The following BRWD1 variants were observed in gnomAD, a reference collection of about 807,000 sequenced individuals.
The protein encoded by BRWD1 is bromodomain and WD repeat domain containing 1.
In BRWD1, 82 loss-of-function variants were observed where a neutral mutation model predicts 251.2. That is an observed-to-expected ratio of 0.33 (90% CI 0.27 to 0.39). The LOEUF is 0.39. BRWD1 is among the 10% of genes least tolerant of loss of function. The pLI is 1.00. For missense variants in BRWD1, 2,233 were observed against 2,711.6 expected (o/e 0.82, Z 3.92); for synonymous variants, 918 against 902.8 (o/e 1.02, Z -0.30).
chr21:39,303,571 G>A (rs2036189570), intron 4 of BRWD1, among the ~76,000 whole-genome samples: 1 of 150,288 alleles, frequency 6.7e-6, no homozygotes, highest in African/African-American at 2.5e-5. Flanking sequence ...GGAATAGTTA[G>A]GCCAGGCGAG....
At chr21:39,185,290 A>T (rs557811020), downstream of BRWD1, 1 of 114,638 alleles carries the variant, frequency 8.7e-6, no homozygotes, top group East Asian at 2.5e-4. Flanking sequence ...TTACACTGAA[A>T]TTGCTAAAAA....
intron 4 of BRWD1, 105 bp from the exon 5 acceptor site, chr21:39,298,687 G>GT (rs2036024333): frequency 3.4e-6 from 3 of 871,546 alleles, no homozygotes; most frequent in Non-Finnish European, 4.9e-6. Flanking sequence ...ACTGAAAACT[G>GT]TAAAACATGC....
intron 4 of BRWD1, among the ~76,000 whole-genome samples, chr21:39,305,274 A>G (rs1166649362): frequency 2.0e-5 from 3 of 152,114 alleles, no homozygotes; most frequent in Non-Finnish European, 4.4e-5. Context: ...TGGAGATTTT[A>G]ACAAATCTTT....
At chr21:39,312,556 C>T (rs2036524534) in intron 4 of BRWD1, 1 of 320,544 alleles carries the variant, frequency 3.1e-6, no homozygotes. Context: ...GCCACACCCC[C>T]GCAGAGGCGG....
intron 4 of BRWD1, among the ~76,000 whole-genome samples, chr21:39,299,741 G>T (rs1031200259): frequency 2.6e-5 from 4 of 151,836 alleles, no homozygotes; most frequent in Admixed American, 2.0e-4. Context: ...TTGGGAGGCC[G>T]AGGCAGGTGG....
chr21:39,207,187 TAC>T (rs2032434067), intron 36 of BRWD1, among the ~76,000 whole-genome samples: 1 of 151,726 alleles, frequency 6.6e-6, no homozygotes, highest in Non-Finnish European at 1.5e-5. Context: ...ATAATCCCAG[TAC>T]TTTGGGAGGC....
intron 2 of BRWD1, 46 bp from the exon 3 acceptor site, chr21:39,313,147 C>T: frequency 6.7e-7 from 1 of 1,493,650 alleles, no homozygotes; most frequent in Non-Finnish European, 8.9e-7. Context: ...GGGCCCGGGG[C>T]GCTCCCGTTT....
Position 39,313,530 on chromosome 21 carries a change from G to C in BRWD1, c.-39C>G, listed in dbSNP as rs2036593968. ...GCGGGAGGCGGGAGCGAGCGAGCGAGCGGAGCGTGTAGGCCGCGCCGAGGC... is the reference window on the plus strand; with the variant it reads ...GCGGGAGGCGGGAGCGAGCGAGCGACCGGAGCGTGTAGGCCGCGCCGAGGC... On this transcript the variant is annotated 5_prime_UTR_variant, in exon 1 of 41. Coordinates refer to ENST00000342449, the MANE Select transcript of BRWD1 (RefSeq NM_033656.4). 1 of 1,328,744 alleles carries C rather than the reference G, an allele frequency of 7.5e-7. No homozygotes were observed. The highest frequency in any genetic ancestry group is 9.6e-7 in the Non-Finnish European group (1 of 1,046,340). The allele number at this position is 1,328,744 out of a possible 1,614,324, so 82.3% of individuals were successfully genotyped here. A position where few individuals can be genotyped will look rare whatever the true frequency, so the allele number is the denominator to read the frequency against.
rs570853909 is a variant in BRWD1 at position 39,246,454 on chromosome 21, C to T, written c.2481+1247G>A. 6.2e-4 allele frequency among the ~76,000 whole-genome samples: 94 copies of T among 151,906 alleles called. No individual in the cohort carries two copies. The South Asian group carries it at 0.018, about 29-fold the overall frequency. On this transcript the variant is annotated intron_variant, in intron 21 of 40. Transcript: ENST00000342449. ...GCCAATCTGAAGGAGTCTGGAGGGT[C>T]CTCAAAAAGTTAAAACATAAAACTT...
rs536980877 is a variant in BRWD1 at position 39,196,449 on chromosome 21, T to C, written c.6620A>G (p.Gln2207Arg). Reference protein sequence around the residue: ...NISKTVRRQRQSKRPRLSVDD... With the variant: ...NISKTVRRQRRSKRPRLSVDD... ...CACACTTAACCTAGGGCGTTTGCTT[T>C]GTCTTTGACGTCTCACAGTTTTAGA... is the stretch of plus-strand genomic sequence containing the variant. The change falls in exon 41 of 41, where the codon CAA (glutamine) becomes CGA (arginine). Residue 2207 changes from glutamine to arginine, a missense_variant. Physicochemically the swap from Gln to Arg is conservative, Grantham distance 43. Around this residue, in one of 12 missense-constraint regions of BRWD1, gnomAD observed 928 missense variants for 970.0 expected, o/e 0.96. Coordinates refer to ENST00000342449, the MANE Select transcript of BRWD1 (RefSeq NM_033656.4). 4 of 1,613,474 alleles carry C rather than the reference T, an allele frequency of 2.5e-6. No individual in the cohort carries two copies. In the South Asian group the frequency reaches 4.4e-5, roughly 18 times the overall value.
rs551704994 is a variant in BRWD1, at chr21:39,257,184, G to A, written c.2071+1303C>T. Among the ~76,000 whole-genome samples the A allele has an allele frequency of 5.5e-5, 8 of 145,672 alleles. 1 individual carries two copies. The East Asian group carries it at 1.6e-3, about 29-fold the overall frequency. ...GAAAGGTTAATTACTCCACACAGAG[G>A]AGTAGTATGAAGCTATTTAAAAAAA... is the stretch of plus-strand genomic sequence containing the variant. On this transcript the variant is annotated intron_variant, in intron 18 of 40. Coordinates refer to ENST00000342449, the MANE Select transcript of BRWD1 (RefSeq NM_033656.4).
At position 39,200,221 on chromosome 21, in the gene BRWD1, G is replaced by C; in HGVS notation, c.4751C>G (p.Thr1584Ser). 4 of 1,601,462 alleles carry C rather than the reference G, an allele frequency of 2.5e-6. No individual in the cohort carries two copies. The highest frequency in any genetic ancestry group is 3.4e-6 in the Non-Finnish European group (4 of 1,176,648). The change falls in exon 39 of 41, where the codon ACT becomes AGT. Residue 1584 changes from threonine to serine, a missense_variant and splice_region_variant. By Grantham distance (58) the Thr-to-Ser change is moderately conservative (BLOSUM62 1). Around this residue, in one of 12 missense-constraint regions of BRWD1, gnomAD observed 928 missense variants for 970.0 expected, o/e 0.96. Coordinates refer to ENST00000342449, the MANE Select transcript of BRWD1 (RefSeq NM_033656.4). ...AAAAGTACTACTGAGTCTCTTACCA[G>C]TTTTTCTTTGAGCAGCTCTAGTTCT... The part of the protein sequence containing the change: ...VTRTRAAQRK[T>S]GPVSLANGCG...
chr21:39,228,196 G>A, intron 27 of BRWD1, among the ~76,000 whole-genome samples: 1 of 152,160 alleles, frequency 6.6e-6, no homozygotes, highest in Non-Finnish European at 1.5e-5. Flanking sequence ...GCTGAGGCAA[G>A]AGAATCGCTT....
chr21:39,186,791 C>A lies in BRWD1; in HGVS notation c.*9468G>T. On this transcript the variant is annotated 3_prime_UTR_variant, in exon 41 of 41. Coordinates refer to ENST00000342449, the MANE Select transcript of BRWD1 (RefSeq NM_033656.4). ...AGTAGTCTTATAGCAGGCCATTTGT[C>A]TTTTCTTTCCACCTCTCCACCTACA... is the stretch of plus-strand genomic sequence containing the variant. 2.0e-6 allele frequency: 1 copy of A among 496,468 alleles called. No individual in the cohort carries two copies. Among genetic ancestry groups the A allele is most frequent in the Middle Eastern group, 6.0e-4 (1 of 1,664 alleles). The allele number at this position is 496,468 out of a possible 1,614,324, so 30.8% of individuals were successfully genotyped here.
At chr21:39,205,315 T>C (rs1333093896) in intron 37 of BRWD1, among the ~76,000 whole-genome samples, 1 of 151,924 alleles carries the variant, frequency 6.6e-6, no homozygotes, top group African/African-American at 2.4e-5. Flanking sequence ...ATACAAAAAA[T>C]AATTTTTAAA....
At chr21:39,222,044 TA>T (rs1049164138) in intron 29 of BRWD1, among the ~76,000 whole-genome samples, 5 of 151,594 alleles carry the variant, frequency 3.3e-5, no homozygotes, top group Admixed American at 3.3e-4. Context: ...TCCTATAAGT[TA>T]AAAAAAACAA....
chr21:39,229,566 C>T, intron 25 of BRWD1, 130 bp from the exon 26 acceptor site: 2 of 775,052 alleles, frequency 2.6e-6, no homozygotes, highest in Non-Finnish European at 4.1e-6. Context: ...TAATTAATAC[C>T]ATTAATTACA....
At chr21:39,307,940 C>G (rs2146797399) in intron 4 of BRWD1, among the ~76,000 whole-genome samples, 1 of 152,250 alleles carries the variant, frequency 6.6e-6, no homozygotes, top group African/African-American at 2.4e-5. Flanking sequence ...ACTTAATGAT[C>G]ATGGTAGTGT....
At chr21:39,301,158 G>T (rs545414102) in intron 4 of BRWD1, among the ~76,000 whole-genome samples, 90 of 148,366 alleles carry the variant, frequency 6.1e-4, no homozygotes, top group African/African-American at 2.1e-3. Context: ...CAGCCTGGGT[G>T]ACAGAGCAAG....
Sources: allele counts gnomAD v4.1 joint callset (sites outside exome capture counted in the v4.1 genomes callset), GRCh38; gene constraint gnomAD v4.1.1; regional missense constraint gnomAD v4.1.1; transcripts MANE v1.5; gene names NCBI Gene and HGNC (gene_info 2026-07-23, HGNC 2026-07-21).